The following SORBS2 variants were observed in gnomAD, a reference collection of about 807,000 sequenced individuals.
SORBS2 encodes the protein sorbin and SH3 domain containing 2.
Under a neutral mutation model 97.7 loss-of-function variants are expected in SORBS2, and 46 were observed. That is an observed-to-expected ratio of 0.47 (90% CI 0.37 to 0.60). The LOEUF is 0.60. Among genes scored for constraint, SORBS2 ranks in the 20% least tolerant of loss-of-function variants. The probability of loss-of-function intolerance (pLI) is 0.00; values close to 1 mark genes in which losing one functional copy is unlikely to be tolerated. For synonymous variants in SORBS2, 476 were observed against 473.4 expected (o/e 1.01, Z -0.07); for missense variants, 1,316 against 1,282.3 (o/e 1.03, Z -0.40).
rs146107275 is a variant in SORBS2, at chr4:185,930,060, G to A, written c.-338+26136C>T. 6.1e-3 allele frequency among the ~76,000 whole-genome samples: 934 copies of A among 152,218 alleles called. 10 individuals carry two copies. Among genetic ancestry groups the A allele is most frequent in the African/African-American group, 0.022 (896 of 41,524 alleles). On this transcript the variant is annotated intron_variant, in intron 1 of 20. Transcript: ENST00000284776. ...CTTACCATGCATGGCACACACGAGG[G>A]CAGAACAAATGTGTGTTATCTTTGT...
At chr4:185,751,476 G>T (rs1211757411) in intron 2 of SORBS2, among the ~76,000 whole-genome samples, 1 of 152,182 alleles carries the variant, frequency 6.6e-6, no homozygotes, top group East Asian at 1.9e-4. Flanking sequence ...CAAGAAACAG[G>T]TATCCTTAGG....
At chr4:185,720,887 G>A (rs925150265) in intron 2 of SORBS2, among the ~76,000 whole-genome samples, 2 of 152,000 alleles carry the variant, frequency 1.3e-5, no homozygotes, top group Non-Finnish European at 2.9e-5. Context: ...CCACGGCTCC[G>A]ACACAAAGTG....
intron 4 of SORBS2, 95 bp downstream of exon 7, chr4:185,678,328 C>T (rs1227473518): frequency 2.6e-5 from 27 of 1,026,404 alleles, no homozygotes; most frequent in Admixed American, 3.7e-5. Context: ...AAAAATAAAA[C>T]GTATTGAAAT....
At chr4:185,618,744 T>C in intron 8 of SORBS2, 113 bp from the exon 21 acceptor site, 2 of 547,898 alleles carry the variant, frequency 3.7e-6, no homozygotes, top group South Asian at 3.9e-5. Context: ...CAAACATATG[T>C]AATGTTAATC....
intron 12 of SORBS2, among the ~76,000 whole-genome samples, chr4:185,603,205 A>G (rs908511521): frequency 6.6e-6 from 1 of 152,182 alleles, no homozygotes; most frequent in Non-Finnish European, 1.5e-5. Flanking sequence ...TTCTAAGGCT[A>G]CTTTCCCTCT....
intron 2 of SORBS2, among the ~76,000 whole-genome samples, chr4:185,763,240 C>T (rs765210924): frequency 2.6e-5 from 4 of 152,040 alleles, no homozygotes; most frequent in Non-Finnish European, 4.4e-5. Context: ...ATCACTCTGA[C>T]CTTCCTTCTG....
chr4:185,652,594 A>C, intron 2 of SORBS2, 68 bp downstream of exon 10: 1 of 1,228,112 alleles, frequency 8.1e-7, no homozygotes, highest in Non-Finnish European at 1.2e-6. Flanking sequence ...AATCAAACCG[A>C]TGCAAAAGAC....
chr4:185,927,208 T>A (rs1163348668), intron 1 of SORBS2, among the ~76,000 whole-genome samples: 2 of 149,706 alleles, frequency 1.3e-5, no homozygotes, highest in African/African-American at 4.9e-5. Flanking sequence ...ATTATATATG[T>A]GTATATATAA....
intron 1 of SORBS2, among the ~76,000 whole-genome samples, chr4:185,788,807 T>G (rs1404244769): frequency 1.3e-5 from 2 of 152,206 alleles, no homozygotes; most frequent in Non-Finnish European, 2.9e-5. Flanking sequence ...GGTTCTAAAT[T>G]GCAGAGCCTC....
At chr4:185,743,653 G>T (rs116125306) in intron 2 of SORBS2, among the ~76,000 whole-genome samples, 1 of 152,140 alleles carries the variant, frequency 6.6e-6, no homozygotes, top group East Asian at 1.9e-4. Flanking sequence ...CATGAAAGAG[G>T]GTTCAGGTAG....
At chr4:185,833,998 T>TA (rs2099206574) in intron 1 of SORBS2, among the ~76,000 whole-genome samples, 1 of 152,222 alleles carries the variant, frequency 6.6e-6, no homozygotes, top group African/African-American at 2.4e-5. Flanking sequence ...AGTATGAACA[T>TA]AAATTATGAC....
At chr4:185,953,611 T>A (rs903683992) in intron 1 of SORBS2, among the ~76,000 whole-genome samples, 2 of 152,188 alleles carry the variant, frequency 1.3e-5, no homozygotes, top group South Asian at 4.1e-4. Flanking sequence ...AGCTGAAAGA[T>A]GAAAGAGACT....
intron 1 of SORBS2, among the ~76,000 whole-genome samples, chr4:185,827,123 CCATCATCATCAT>C (rs148955951): frequency 2.4e-5 from 2 of 81,972 alleles, no homozygotes; most frequent in African/African-American, 9.2e-5. Flanking sequence ...ATCATCATCA[CCATCATCATCAT>C]CATCACCATT....
At chr4:185,718,929 C>T (rs2098487968) in intron 2 of SORBS2, among the ~76,000 whole-genome samples, 1 of 152,108 alleles carries the variant, frequency 6.6e-6, no homozygotes, top group African/African-American at 2.4e-5. Flanking sequence ...CTATGCAGAC[C>T]TGTCATGTGG....
intron 2 of SORBS2, among the ~76,000 whole-genome samples, chr4:185,720,730 C>T (rs1378909772): frequency 6.6e-6 from 1 of 152,176 alleles, no homozygotes; most frequent in Non-Finnish European, 1.5e-5. Flanking sequence ...GATGCATTTA[C>T]TGAATTTTTT....
At chr4:185,611,718 C>A in intron 12 of SORBS2, 62 bp downstream of exon 24, 1 of 1,308,246 alleles carries the variant, frequency 7.6e-7, no homozygotes, top group Non-Finnish European at 1.1e-6. Context: ...CCTAAAGTCA[C>A]ACACCGATTA....
intron 1 of SORBS2, among the ~76,000 whole-genome samples, chr4:185,796,099 T>A (rs1584974692): frequency 6.6e-6 from 1 of 152,164 alleles, no homozygotes. Context: ...AGAGATGGGA[T>A]CTCACTGTGT....
intron 1 of SORBS2, among the ~76,000 whole-genome samples, chr4:185,938,924 G>A (rs2099270469): frequency 6.6e-6 from 1 of 152,172 alleles, no homozygotes; most frequent in African/African-American, 2.4e-5. Context: ...GAAAAAGGAT[G>A]CAAATGTGCT....
intron 1 of SORBS2, among the ~76,000 whole-genome samples, chr4:185,927,659 C>T (rs556092889): frequency 2.0e-5 from 3 of 152,092 alleles, no homozygotes; most frequent in Non-Finnish European, 4.4e-5. Flanking sequence ...TATTTAGTTA[C>T]AAAATAAAAG....
Sources: allele counts gnomAD v4.1 joint callset (sites outside exome capture counted in the v4.1 genomes callset), GRCh38; gene constraint gnomAD v4.1.1; transcripts MANE v1.5; gene names NCBI Gene and HGNC (gene_info 2026-07-23, HGNC 2026-07-21).